GPC6: variants seen among roughly 807,000 people sequenced by gnomAD.
GPC6 encodes the protein glypican 6, also known as glypican-6.
GPC6 carries 14 observed loss-of-function variants against 55.2 expected under a neutral mutation model. That is an observed-to-expected ratio of 0.25 (90% confidence interval 0.17 to 0.40). The LOEUF is 0.40. Ranked by LOEUF, GPC6 falls within the 10% of genes least tolerant of loss-of-function variation. GPC6 has a pLI of 1.00. For synonymous variants in GPC6, 278 were observed against 259.6 expected (o/e 1.07, Z -0.68); for missense variants, 641 against 708.5 (o/e 0.90, Z 1.08).
intron 2 of GPC6, among the ~76,000 whole-genome samples, chr13:93,652,405 A>G (rs925025660): frequency 6.6e-6 from 1 of 152,144 alleles, no homozygotes; most frequent in South Asian, 2.1e-4. Context: ...ACATGCACCC[A>G]TAATTATATG....
Position 93,249,469 on chromosome 13 carries a change from T to C in GPC6, c.160+21853T>C, listed in dbSNP as rs567723147. Among the ~76,000 whole-genome samples, 178 of 152,346 alleles carry C rather than the reference T, an allele frequency of 1.2e-3. 1 individual carries two copies. The highest frequency in any genetic ancestry group is 2.2e-3 in the Non-Finnish European group (147 of 68,038). On this transcript the variant is annotated intron_variant, in intron 1 of 8. Coordinates refer to ENST00000377047, the MANE Select transcript of GPC6 (RefSeq NM_005708.5). ...GAAATGTTTGCCTTATAGGCAGCTA[T>C]GGGCTTCCTGCATAGGGAACATGAA...
chr13:94,324,311 T>TAAAAAA (rs76342753), intron 6 of GPC6, among the ~76,000 whole-genome samples: 3 of 107,256 alleles, frequency 2.8e-5, no homozygotes, highest in Non-Finnish European at 2.0e-5. Context: ...ATGAAAGCCT[T>TAAAAAA]AAAAAAAAAA....
chr13:94,142,764 A>G (rs963504938), intron 4 of GPC6, among the ~76,000 whole-genome samples: 11 of 151,972 alleles, frequency 7.2e-5, no homozygotes, highest in Non-Finnish European at 1.6e-4. Flanking sequence ...AACTTGATGT[A>G]TATTCCCAAA....
chr13:93,832,122 A>AAAATAT (rs1555334870), intron 3 of GPC6, among the ~76,000 whole-genome samples: 2 of 12,046 alleles, frequency 1.7e-4, no homozygotes, highest in Non-Finnish European at 2.5e-4. Context: ...AAAAAAAAAA[A>AAAATAT]ATATATATAT....
chr13:93,924,050 G>A (rs186951914), intron 3 of GPC6, among the ~76,000 whole-genome samples: 3 of 152,266 alleles, frequency 2.0e-5, no homozygotes, highest in East Asian at 1.9e-4. Context: ...CAGTGTGCCC[G>A]AGGCCTCATT....
At chr13:93,996,873 G>A (rs1881580183) in intron 3 of GPC6, among the ~76,000 whole-genome samples, 1 of 152,126 alleles carries the variant, frequency 6.6e-6, no homozygotes, top group Admixed American at 6.5e-5. Flanking sequence ...GGGATTATAG[G>A]ACATCTAAAT....
chr13:93,852,994 G>T (rs1012386503), intron 3 of GPC6, among the ~76,000 whole-genome samples: 2 of 151,474 alleles, frequency 1.3e-5, no homozygotes, highest in African/African-American at 4.8e-5. Flanking sequence ...GGGATAAAAT[G>T]GTAATTAAAA....
chr13:93,759,279 A>C (rs957457182), intron 2 of GPC6, among the ~76,000 whole-genome samples: 2 of 152,148 alleles, frequency 1.3e-5, no homozygotes, highest in African/African-American at 4.8e-5. Flanking sequence ...TAGTGTCCCC[A>C]TATGTATCCC....
rs185366786 is a variant in GPC6 at position 93,597,808 on chromosome 13, T to C, written c.319+52387T>C. On this transcript the variant is annotated intron_variant, in intron 2 of 8. Coordinates refer to ENST00000377047, the MANE Select transcript of GPC6 (RefSeq NM_005708.5). ...TTGTTCGTCTTATCAGTAAGGCTTC[T>C]AGTCAGCAGTAGGGTTTTAATAGTT... is the stretch of plus-strand genomic sequence containing the variant. Among the ~76,000 whole-genome samples, 142 of 152,280 alleles carry C rather than the reference T, an allele frequency of 9.3e-4. 1 individual carries two copies. Among genetic ancestry groups the C allele is most frequent in the African/African-American group, 3.0e-3 (125 of 41,562 alleles).
chr13:93,637,710 C>T (rs1252489612), intron 2 of GPC6, among the ~76,000 whole-genome samples: 1 of 152,174 alleles, frequency 6.6e-6, no homozygotes, highest in East Asian at 1.9e-4. Flanking sequence ...GGCAGTCTAT[C>T]TATGAATAAA....
intron 4 of GPC6, among the ~76,000 whole-genome samples, chr13:94,118,077 T>C (rs547206453): frequency 2.6e-4 from 40 of 152,180 alleles, no homozygotes; most frequent in African/African-American, 9.1e-4. Context: ...TTATTGAATA[T>C]GGAAGAAATA....
intron 1 of GPC6, among the ~76,000 whole-genome samples, chr13:93,392,496 C>G (rs1875669133): frequency 6.6e-6 from 1 of 152,124 alleles, no homozygotes; most frequent in African/African-American, 2.4e-5. Flanking sequence ...TAATAGATCT[C>G]CTAATTTGCA....
At chr13:94,011,108 A>C (rs1293098207) in intron 3 of GPC6, among the ~76,000 whole-genome samples, 1 of 152,154 alleles carries the variant, frequency 6.6e-6, no homozygotes, top group Non-Finnish European at 1.5e-5. Flanking sequence ...TTTCCTTTCC[A>C]CTAAAGGAGA....
chr13:93,350,521 A>C (rs940000948), intron 1 of GPC6, among the ~76,000 whole-genome samples: 2 of 152,166 alleles, frequency 1.3e-5, no homozygotes, highest in African/African-American at 4.8e-5. Flanking sequence ...ACACCCTTTA[A>C]AGCACATAGT....
intron 1 of GPC6, among the ~76,000 whole-genome samples, chr13:93,412,015 TAAATA>T (rs1290497796): frequency 6.9e-6 from 1 of 144,944 alleles, no homozygotes; most frequent in African/African-American, 2.6e-5. Context: ...AAAAAAAAAA[TAAATA>T]AAATAAAAAT....
chr13:93,900,787 A>G (rs1185504255), intron 3 of GPC6, among the ~76,000 whole-genome samples: 1 of 152,202 alleles, frequency 6.6e-6, no homozygotes, highest in Non-Finnish European at 1.5e-5. Context: ...GAGCAAATAA[A>G]GATGATGTGT....
chr13:94,342,731 T>G (rs1397854233), intron 6 of GPC6, among the ~76,000 whole-genome samples: 1 of 152,178 alleles, frequency 6.6e-6, no homozygotes, highest in Non-Finnish European at 1.5e-5. Flanking sequence ...CACTTTCTTC[T>G]CTGGCCCTCA....
At chr13:93,287,794 T>C (rs1270490108) in intron 1 of GPC6, among the ~76,000 whole-genome samples, 1 of 152,238 alleles carries the variant, frequency 6.6e-6, no homozygotes, top group Non-Finnish European at 1.5e-5. Context: ...TAAAGGATTA[T>C]TTGCAAATGC....
chr13:94,031,309 G>C (rs1438102863), intron 4 of GPC6, among the ~76,000 whole-genome samples: 1 of 152,062 alleles, frequency 6.6e-6, no homozygotes, highest in Non-Finnish European at 1.5e-5. Flanking sequence ...TTACAACATT[G>C]AAAAAATGCC....
Sources: gnomAD v4.1 joint callset for allele counts (sites outside exome capture counted in the v4.1 genomes callset) on GRCh38, gnomAD v4.1.1 for gene constraint, MANE v1.5 for transcripts, NCBI Gene and HGNC (gene_info 2026-07-23, HGNC 2026-07-21) for gene names.